The following CCDC192 variants were observed in gnomAD, a reference collection of about 807,000 sequenced individuals.
CCDC192 encodes the protein coiled-coil domain-containing protein 192.
intron 2 of CCDC192, among the ~76,000 whole-genome samples, chr5:127,747,152 T>A (rs1323980968): frequency 6.6e-6 from 1 of 151,828 alleles, no homozygotes. Context: ...CATGTGCACA[T>A]TGTGCAGGTT....
At chr5:127,799,515 T>C (rs1385501409) in intron 5 of CCDC192, among the ~76,000 whole-genome samples, 1 of 152,214 alleles carries the variant, frequency 6.6e-6, no homozygotes, top group East Asian at 1.9e-4. Flanking sequence ...TGTCAGAGGA[T>C]GTCCCGTCAC....
At chr5:127,859,597 C>A (rs1751270099) in intron 5 of CCDC192, among the ~76,000 whole-genome samples, 2 of 152,130 alleles carry the variant, frequency 1.3e-5, no homozygotes, top group Admixed American at 1.3e-4. Flanking sequence ...ATCTGGGGAA[C>A]TGTGCCTTCC....
chr5:127,836,620 T>C (rs1750049681), intron 5 of CCDC192, among the ~76,000 whole-genome samples: 1 of 152,158 alleles, frequency 6.6e-6, no homozygotes. Context: ...AACCTTAATT[T>C]TTGACTGCTG....
At chr5:127,845,788 G>T (rs559288517) in intron 5 of CCDC192, among the ~76,000 whole-genome samples, 2 of 152,284 alleles carry the variant, frequency 1.3e-5, no homozygotes, top group East Asian at 3.9e-4. Context: ...AGTCAAGAGG[G>T]ACATGTATGT....
At chr5:127,835,867 G>C (rs1443393537) in intron 5 of CCDC192, among the ~76,000 whole-genome samples, 1 of 152,124 alleles carries the variant, frequency 6.6e-6, no homozygotes, top group Non-Finnish European at 1.5e-5. Context: ...TGAGATTTCG[G>C]TGGAGAGACA....
At chr5:127,789,850 C>T (rs1756763671) in intron 3 of CCDC192, among the ~76,000 whole-genome samples, 1 of 152,210 alleles carries the variant, frequency 6.6e-6, no homozygotes, top group Admixed American at 6.5e-5. Context: ...CAAATATCCT[C>T]CAACTAAAGC....
intron 3 of CCDC192, chr5:127,784,860 C>A: frequency 2.2e-6 from 1 of 453,308 alleles, no homozygotes; most frequent in South Asian, 1.8e-5. Context: ...TTTTCTTGTT[C>A]CTGCTTCTGT....
chr5:127,900,635 A>C (rs553992621), intron 6 of CCDC192, among the ~76,000 whole-genome samples: 19 of 152,330 alleles, frequency 1.2e-4, no homozygotes, highest in Non-Finnish European at 7.3e-5. Flanking sequence ...TTATTCAAAA[A>C]GACAAAAGAG....
chr5:127,733,231 C>A (rs1752745022), intron 2 of CCDC192, among the ~76,000 whole-genome samples: 2 of 152,246 alleles, frequency 1.3e-5, no homozygotes, highest in Admixed American at 6.5e-5. Context: ...TCCTTACAAT[C>A]AACTCCCAGA....
chr5:127,872,613 G>A (rs1580779630), intron 5 of CCDC192, among the ~76,000 whole-genome samples: 2 of 152,174 alleles, frequency 1.3e-5, no homozygotes, highest in South Asian at 4.1e-4. Context: ...CTTTCCCAGA[G>A]CAGGAGGTCT....
intron 2 of CCDC192, among the ~76,000 whole-genome samples, chr5:127,723,765 T>A (rs75720991): frequency 0.031 from 4,770 of 152,262 alleles, 246 homozygotes; most frequent in African/African-American, 0.11. Context: ...GAAGGAAGTC[T>A]GACCTCTGGC....
At chr5:127,713,139 T>C (rs248737) in intron 2 of CCDC192, among the ~76,000 whole-genome samples, 58,137 of 151,404 alleles carry the variant, frequency 0.38, 11,693 homozygotes, top group East Asian at 0.65. Context: ...GAGACTGAGG[T>C]AGGAGAATCA....
intron 2 of CCDC192, among the ~76,000 whole-genome samples, chr5:127,737,337 G>A (rs920791310): frequency 1.1e-4 from 17 of 152,060 alleles, no homozygotes; most frequent in Non-Finnish European, 7.3e-5. Flanking sequence ...GCTGAGGAGA[G>A]CTTTACTTCC....
chr5:127,738,944 C>T (rs565473386), intron 2 of CCDC192, among the ~76,000 whole-genome samples: 1 of 151,998 alleles, frequency 6.6e-6, no homozygotes, highest in South Asian at 2.1e-4. Flanking sequence ...AAGTCATTCT[C>T]CATCCAGCTT....
chr5:127,847,077 T>C (rs1561520842), intron 5 of CCDC192, among the ~76,000 whole-genome samples: 2 of 152,330 alleles, frequency 1.3e-5, no homozygotes, highest in South Asian at 4.1e-4. Context: ...GTATGACTCA[T>C]GATTTTCTAC....
At chr5:127,722,885 T>A (rs946288764) in intron 2 of CCDC192, among the ~76,000 whole-genome samples, 3 of 152,214 alleles carry the variant, frequency 2.0e-5, no homozygotes, top group African/African-American at 7.2e-5. Context: ...TGAAGTCAGG[T>A]AATGTGATTC....
intron 6 of CCDC192, among the ~76,000 whole-genome samples, chr5:127,920,574 C>T: frequency 6.6e-6 from 1 of 151,742 alleles, no homozygotes; most frequent in East Asian, 2.0e-4. Flanking sequence ...CCACACCTGG[C>T]TAATTTTTGT....
At chr5:127,758,448 A>G (rs940209064) in intron 3 of CCDC192, among the ~76,000 whole-genome samples, 2 of 152,222 alleles carry the variant, frequency 1.3e-5, no homozygotes, top group African/African-American at 4.8e-5. Flanking sequence ...AAATAATGGG[A>G]TCAGGATAAC....
At chr5:127,788,690 G>GTA (rs1415430834) in intron 3 of CCDC192, among the ~76,000 whole-genome samples, 1 of 152,130 alleles carries the variant, frequency 6.6e-6, no homozygotes, top group African/African-American at 2.4e-5. Context: ...CTCCTAGAAT[G>GTA]TATATGTTAG....
Sources: gnomAD v4.1 joint callset for allele counts (sites outside exome capture counted in the v4.1 genomes callset) on GRCh38, gnomAD v4.1.1 for gene constraint, MANE v1.5 for transcripts, NCBI Gene and HGNC (gene_info 2026-07-23, HGNC 2026-07-21) for gene names.